Variants in KCNN2 observed in about 807,000 individuals in gnomAD.
The protein encoded by KCNN2 is small conductance calcium-activated potassium channel protein 2.
In KCNN2, 24 loss-of-function variants were observed where a neutral mutation model predicts 55.5. The observed-to-expected ratio is 0.43, with a 90% confidence interval of 0.31 to 0.61. The LOEUF (loss-of-function observed/expected upper bound fraction) is 0.61, where lower values mean the gene tolerates loss of function less well. KCNN2 is among the 20% of genes least tolerant of loss of function. The probability of loss-of-function intolerance (pLI) is 0.08; values close to 1 mark genes in which losing one functional copy is unlikely to be tolerated. For synonymous variants in KCNN2, 431 were observed against 336.1 expected, an observed-to-expected ratio of 1.28 and a Z score of -3.09; for missense variants, 754 against 853.6, an observed-to-expected ratio of 0.88 and a Z score of 1.45.
At chr5:114,492,828 A>G (rs964985560) in intron 6 of KCNN2, among the ~76,000 whole-genome samples, 8 of 152,264 alleles carry the variant, frequency 5.3e-5, no homozygotes, top group African/African-American at 1.7e-4. Context: ...ATGAAATACA[A>G]TGAAGAATAA....
chr5:114,218,426 C>G (rs73254125), intron 1 of KCNN2, among the ~76,000 whole-genome samples: 7,996 of 152,252 alleles, frequency 0.053, 223 homozygotes, highest in South Asian at 0.077. Flanking sequence ...AATGAGCTAT[C>G]AAGCCATGAA....
intron 1 of KCNN2, among the ~76,000 whole-genome samples, chr5:114,059,944 A>G (rs1479395682): frequency 6.6e-6 from 1 of 152,230 alleles, no homozygotes; most frequent in African/African-American, 2.4e-5. Context: ...GTACAAGTGG[A>G]GCCATGAGAT....
chr5:114,402,725 C>T (rs528803545), intron 2 of KCNN2, among the ~76,000 whole-genome samples: 95 of 152,264 alleles, frequency 6.2e-4, no homozygotes, highest in Non-Finnish European at 1.1e-3. Flanking sequence ...GGAATGATCA[C>T]AAGGTGACTC....
intron 2 of KCNN2, among the ~76,000 whole-genome samples, chr5:114,402,267 T>C (rs1313410008): frequency 1.3e-5 from 2 of 152,198 alleles, no homozygotes; most frequent in Non-Finnish European, 2.9e-5. Context: ...TCAGATTTCA[T>C]AATGAAGGTA....
At chr5:114,243,268 A>C (rs1754680259) in intron 2 of KCNN2, among the ~76,000 whole-genome samples, 1 of 152,206 alleles carries the variant, frequency 6.6e-6, no homozygotes, top group African/African-American at 2.4e-5. Context: ...GTAACATAGC[A>C]ACTCACACAT....
At chr5:114,404,135 G>A (rs1039421450) in intron 2 of KCNN2, among the ~76,000 whole-genome samples, 2 of 152,134 alleles carry the variant, frequency 1.3e-5, no homozygotes, top group Admixed American at 6.5e-5. Context: ...TCATCTGAGG[G>A]GGTTTTCATG....
At chr5:114,206,651 T>C (rs920984162) in intron 1 of KCNN2, among the ~76,000 whole-genome samples, 3 of 152,152 alleles carry the variant, frequency 2.0e-5, no homozygotes, top group African/African-American at 7.2e-5. Flanking sequence ...TCACCTTTAC[T>C]GGTCTCCTTT....
chr5:114,309,645 C>A (rs1756358506), intron 2 of KCNN2, among the ~76,000 whole-genome samples: 1 of 152,144 alleles, frequency 6.6e-6, no homozygotes. Flanking sequence ...CACTGGGGAC[C>A]TATCATTCAT....
At chr5:114,459,923 C>T (rs1256498069) in intron 3 of KCNN2, among the ~76,000 whole-genome samples, 2 of 151,992 alleles carry the variant, frequency 1.3e-5, no homozygotes, top group Admixed American at 6.6e-5. Context: ...AGAAATTTGT[C>T]TATCTAAGAT....
At chr5:114,260,181 A>G (rs954203347) in intron 2 of KCNN2, among the ~76,000 whole-genome samples, 1 of 152,160 alleles carries the variant, frequency 6.6e-6, no homozygotes, top group Non-Finnish European at 1.5e-5. Context: ...TAGTTCCTCA[A>G]TCATTCATTC....
chr5:114,352,256 T>C (rs1379697618), intron 2 of KCNN2, among the ~76,000 whole-genome samples: 2 of 151,764 alleles, frequency 1.3e-5, no homozygotes, highest in Non-Finnish European at 3.0e-5. Context: ...GTAAGGTTAG[T>C]AGTGATGCCC....
At chr5:114,206,383 C>T (rs1753776542) in intron 1 of KCNN2, among the ~76,000 whole-genome samples, 1 of 152,078 alleles carries the variant, frequency 6.6e-6, no homozygotes, top group Non-Finnish European at 1.5e-5. Context: ...ACCTAAATTC[C>T]ACATATCCCA....
intron 1 of KCNN2, among the ~76,000 whole-genome samples, chr5:114,110,033 G>T (rs937702685): frequency 2.6e-5 from 4 of 152,024 alleles, no homozygotes; most frequent in East Asian, 3.9e-4. Flanking sequence ...CAAAGCTTTT[G>T]TCTCTTGCCC....
intron 2 of KCNN2, among the ~76,000 whole-genome samples, chr5:114,403,549 T>C (rs1263782829): frequency 6.6e-6 from 1 of 152,180 alleles, no homozygotes; most frequent in African/African-American, 2.4e-5. Flanking sequence ...TTGCAAGTCC[T>C]TGTGGCAGTC....
chr5:114,162,098 T>G (rs376720321), intron 1 of KCNN2, among the ~76,000 whole-genome samples: 143 of 152,200 alleles, frequency 9.4e-4, no homozygotes, highest in African/African-American at 3.4e-3. Flanking sequence ...GAGTTTCCGG[T>G]TTTTCTGCTC....
chr5:114,426,187 T>G (rs1759618276), intron 3 of KCNN2, among the ~76,000 whole-genome samples: 1 of 152,014 alleles, frequency 6.6e-6, no homozygotes, highest in African/African-American at 2.4e-5. Context: ...AAAGATCATA[T>G]AACCTTCCTA....
At chr5:114,100,519 AAAG>A (rs1411438020) in intron 1 of KCNN2, among the ~76,000 whole-genome samples, 1 of 152,084 alleles carries the variant, frequency 6.6e-6, no homozygotes, top group Non-Finnish European at 1.5e-5. Context: ...CTACGAATGA[AAAG>A]AAGAGAGGAA....
chr5:114,062,569 T>A (rs1328997802), intron 1 of KCNN2, among the ~76,000 whole-genome samples: 1 of 152,214 alleles, frequency 6.6e-6, no homozygotes, highest in African/African-American at 2.4e-5. Context: ...GTACTAGGGA[T>A]CAAGTTACAT....
chr5:114,272,347 T>C (rs1467532324), intron 2 of KCNN2, among the ~76,000 whole-genome samples: 1 of 51,872 alleles, frequency 1.9e-5, no homozygotes, highest in South Asian at 9.8e-4. Flanking sequence ...CACATATATG[T>C]ATGTACATAC....
Sources: gnomAD v4.1 joint callset for allele counts (sites outside exome capture counted in the v4.1 genomes callset) on GRCh38, gnomAD v4.1.1 for gene constraint, MANE v1.5 for transcripts, NCBI Gene and HGNC (gene_info 2026-07-23, HGNC 2026-07-21) for gene names.